The following PTPRD variants were observed in gnomAD, a reference collection of about 807,000 sequenced individuals.
The protein encoded by PTPRD is receptor-type tyrosine-protein phosphatase delta.
In PTPRD, 34 loss-of-function variants were observed where a neutral mutation model predicts 214.5. The ratio of observed to expected loss-of-function variants is 0.16; its 90% CI spans 0.12 to 0.21. The LOEUF (loss-of-function observed/expected upper bound fraction) is 0.21, where lower values mean the gene tolerates loss of function less well. PTPRD is among the 10% of genes least tolerant of loss of function. The pLI is 1.00. For synonymous variants in PTPRD, 1,128 were observed against 845.7 expected (o/e 1.33, Z -5.79); for missense variants, 2,545 against 2,398.7 (o/e 1.06, Z -1.27).
intron 3 of PTPRD, among the ~76,000 whole-genome samples, chr9:10,034,472 C>A (rs966990675): frequency 2.9e-5 from 4 of 136,456 alleles, no homozygotes; most frequent in Non-Finnish European, 6.2e-5. Flanking sequence ...AGTTTTGTTA[C>A]ATAGGGAAAC....
At chr9:10,133,314 G>A (rs2098915859) in intron 3 of PTPRD, among the ~76,000 whole-genome samples, 1 of 152,048 alleles carries the variant, frequency 6.6e-6, no homozygotes, top group Non-Finnish European at 1.5e-5. Flanking sequence ...AGCTGATGGG[G>A]AATTGCAGAA....
intron 3 of PTPRD, among the ~76,000 whole-genome samples, chr9:10,235,854 T>C (rs1320906695): frequency 2.0e-5 from 3 of 152,012 alleles, no homozygotes; most frequent in African/African-American, 7.2e-5. Flanking sequence ...AATTCTAGTA[T>C]TAGTAGACTG....
At chr9:9,904,230 GT>G (rs1566156128) in intron 5 of PTPRD, among the ~76,000 whole-genome samples, 1 of 152,018 alleles carries the variant, frequency 6.6e-6, no homozygotes, top group Admixed American at 6.6e-5. Context: ...TCAGCCAAAC[GT>G]TTGATGAACT....
In PTPRD at chr9:9,462,021, TTAA is replaced by T. The variant is rs1422437711; in HGVS notation, c.-236-64542_-236-64540del. On this transcript the variant is annotated intron_variant, in intron 8 of 45. Transcript: ENST00000381196. The stretch of plus-strand genomic sequence containing the variant: ...CTATTATAGTAGTTGCCATAACTTA[TTAA>T]TGTTTGCTTCTCTATTTTTGTCTTC... Among the ~76,000 whole-genome samples, 5 of 152,308 alleles carry T rather than the reference TTAA, an allele frequency of 3.3e-5. No individual in the cohort carries two copies. In the East Asian group the frequency reaches 9.7e-4, roughly 29 times the overall value.
intron 9 of PTPRD, among the ~76,000 whole-genome samples, chr9:9,333,359 G>A (rs548382311): frequency 1.3e-5 from 2 of 151,228 alleles, no homozygotes; most frequent in Non-Finnish European, 3.0e-5. Flanking sequence ...CACATGAGGA[G>A]GGGAGAGGAT....
At chr9:8,916,394 T>C (rs1396568754) in intron 11 of PTPRD, among the ~76,000 whole-genome samples, 1 of 152,070 alleles carries the variant, frequency 6.6e-6, no homozygotes, top group Non-Finnish European at 1.5e-5. Flanking sequence ...AGTCAGAAAG[T>C]AGTGGATACA....
At chr9:10,136,326 C>A (rs1266948489) in intron 3 of PTPRD, among the ~76,000 whole-genome samples, 1 of 151,994 alleles carries the variant, frequency 6.6e-6, no homozygotes, top group African/African-American at 2.4e-5. Flanking sequence ...GATAGATCAT[C>A]AAGGCAGAAA....
chr9:10,012,984 T>A (rs2096631569), intron 4 of PTPRD, among the ~76,000 whole-genome samples: 1 of 151,954 alleles, frequency 6.6e-6, no homozygotes, highest in Admixed American at 6.6e-5. Flanking sequence ...ACTTCAATAT[T>A]TTAATAATCA....
intron 7 of PTPRD, among the ~76,000 whole-genome samples, chr9:9,694,426 T>C (rs2097332583): frequency 6.6e-6 from 1 of 152,020 alleles, no homozygotes; most frequent in Admixed American, 6.6e-5. Context: ...TCTCTCTCTG[T>C]AGTGAGCCAC....
intron 10 of PTPRD, among the ~76,000 whole-genome samples, chr9:9,167,956 A>G (rs1031852904): frequency 1.3e-5 from 2 of 152,120 alleles, no homozygotes; most frequent in Admixed American, 6.5e-5. Context: ...ACGAAAACCT[A>G]TCTTTCTGTG....
chr9:9,993,034 T>C lies in PTPRD; in HGVS notation c.-472+40684A>G, dbSNP rs182672469. 6.1e-4 allele frequency among the ~76,000 whole-genome samples: 92 copies of C among 152,036 alleles called. 2 individuals carry two copies. The East Asian group carries it at 0.015, about 26-fold the overall frequency. On this transcript the variant is annotated intron_variant, in intron 4 of 45. Transcript: ENST00000381196. ...TGCCAATGTGAACTTTCATAAATAG[T>C]TGTTGGTTAAATACATACTTTAGAA...
chr9:8,475,666 A>C (rs985016406), intron 30 of PTPRD, among the ~76,000 whole-genome samples: 3 of 152,186 alleles, frequency 2.0e-5, no homozygotes, highest in African/African-American at 7.2e-5. Flanking sequence ...CTAACATTGC[A>C]CTACAATCCA....
chr9:10,506,129 G>A (rs1370068457), intron 2 of PTPRD, among the ~76,000 whole-genome samples: 1 of 152,126 alleles, frequency 6.6e-6, no homozygotes, highest in African/African-American at 2.4e-5. Flanking sequence ...ATAGAAGAAT[G>A]TAAAGATTCT....
At chr9:9,775,139 C>A in intron 5 of PTPRD, among the ~76,000 whole-genome samples, 1 of 152,182 alleles carries the variant, frequency 6.6e-6, no homozygotes, top group Admixed American at 6.5e-5. Flanking sequence ...ACGTATCTGT[C>A]ACCCCACAAG....
intron 8 of PTPRD, among the ~76,000 whole-genome samples, chr9:9,510,917 T>C (rs1199805833): frequency 1.3e-5 from 2 of 151,774 alleles, no homozygotes; most frequent in East Asian, 3.9e-4. Context: ...GGTTTTAATT[T>C]TCTCCATTTA....
intron 5 of PTPRD, among the ~76,000 whole-genome samples, chr9:9,895,229 C>G: frequency 6.6e-6 from 1 of 151,762 alleles, no homozygotes; most frequent in Non-Finnish European, 1.5e-5. Context: ...ACCAATAAAA[C>G]CAGGAATTCT....
chr9:9,964,557 C>T (rs1010724112), intron 4 of PTPRD, among the ~76,000 whole-genome samples: 2 of 152,120 alleles, frequency 1.3e-5, no homozygotes, highest in Non-Finnish European at 2.9e-5. Flanking sequence ...GGAGGAAATC[C>T]TCTTGACGTG....
intron 8 of PTPRD, among the ~76,000 whole-genome samples, chr9:9,521,756 C>A (rs1217997157): frequency 6.6e-6 from 1 of 152,080 alleles, no homozygotes; most frequent in Non-Finnish European, 1.5e-5. Context: ...ATATTATGAT[C>A]ATTTCTAAGG....
intron 12 of PTPRD, among the ~76,000 whole-genome samples, chr9:8,731,181 G>A (rs2098654199): frequency 2.0e-5 from 3 of 152,250 alleles, no homozygotes; most frequent in Admixed American, 6.5e-5. Context: ...CTGACTCTCA[G>A]GCTTTTTGGA....
Sources: gnomAD v4.1 joint callset for allele counts (sites outside exome capture counted in the v4.1 genomes callset) on GRCh38, gnomAD v4.1.1 for gene constraint, MANE v1.5 for transcripts, NCBI Gene and HGNC (gene_info 2026-07-23, HGNC 2026-07-21) for gene names.